CSRNP3: variants seen among roughly 807,000 people sequenced by gnomAD.
CSRNP3 encodes cysteine/serine-rich nuclear protein 3.
In CSRNP3, 12 loss-of-function variants were observed where a neutral mutation model predicts 48.0. The ratio of observed to expected loss-of-function variants is 0.25; its 90% CI spans 0.16 to 0.41. The LOEUF is 0.41. Ranked by LOEUF, CSRNP3 falls within the 10% of genes least tolerant of loss-of-function variation. The pLI is 1.00. For missense variants in CSRNP3, 580 were observed against 724.4 expected (o/e 0.80, Z 2.29); for synonymous variants, 263 against 269.7 (o/e 0.98, Z 0.24).
chr2:165,653,994 AAAAAAAAAAAAAAAT>A (rs1387615787), intron 4 of CSRNP3, among the ~76,000 whole-genome samples: 2 of 146,792 alleles, frequency 1.4e-5, no homozygotes, highest in African/African-American at 5.2e-5. Context: ...AAAAAAAAAA[AAAAAAAAAAAAAAAT>A]TACCAGAGGT....
intron 3 of CSRNP3, among the ~76,000 whole-genome samples, chr2:165,557,436 A>T (rs1156319919): frequency 6.6e-6 from 1 of 152,184 alleles, no homozygotes; most frequent in Admixed American, 6.5e-5. Context: ...GTGAAGAAAG[A>T]GGGAGAGGGA....
chr2:165,526,555 C>A (rs948804677), intron 3 of CSRNP3, among the ~76,000 whole-genome samples: 1 of 152,162 alleles, frequency 6.6e-6, no homozygotes, highest in African/African-American at 2.4e-5. Flanking sequence ...CTATAATGGT[C>A]ATTTGAAAAT....
intron 3 of CSRNP3, among the ~76,000 whole-genome samples, chr2:165,544,164 C>G (rs1035705169): frequency 6.6e-6 from 1 of 151,994 alleles, no homozygotes; most frequent in Admixed American, 6.6e-5. Flanking sequence ...TGACTGGACA[C>G]ATTAGGCTTT....
intron 3 of CSRNP3, among the ~76,000 whole-genome samples, chr2:165,576,930 T>C (rs1392919339): frequency 6.6e-6 from 1 of 152,034 alleles, no homozygotes; most frequent in Non-Finnish European, 1.5e-5. Flanking sequence ...TTTCCTGCTC[T>C]TTGATTACCA....
intron 5 of CSRNP3, among the ~76,000 whole-genome samples, chr2:165,675,712 A>G (rs1687412805): frequency 6.6e-6 from 1 of 152,204 alleles, no homozygotes; most frequent in Non-Finnish European, 1.5e-5. Context: ...TGTCTTACTA[A>G]GAGCATGCTG....
At chr2:165,629,475 T>C (rs1229529589) in intron 4 of CSRNP3, among the ~76,000 whole-genome samples, 4 of 152,202 alleles carry the variant, frequency 2.6e-5, no homozygotes, top group Non-Finnish European at 5.9e-5. Context: ...GCTCCCATGG[T>C]TTTTCTTCAA....
At chr2:165,622,420 AAAT>A (rs1686355883) in intron 4 of CSRNP3, among the ~76,000 whole-genome samples, 1 of 152,206 alleles carries the variant, frequency 6.6e-6, no homozygotes. Context: ...TGCTGCAACA[AAAT>A]AATAATAGCT....
intron 5 of CSRNP3, among the ~76,000 whole-genome samples, chr2:165,663,897 C>T (rs186811065): frequency 2.5e-4 from 38 of 152,090 alleles, no homozygotes; most frequent in Middle Eastern, 6.8e-3. Context: ...CTACTAGATC[C>T]GTCTGGCTTA....
intron 5 of CSRNP3, among the ~76,000 whole-genome samples, chr2:165,675,563 T>C (rs1387357977): frequency 6.6e-6 from 1 of 152,224 alleles, no homozygotes; most frequent in Non-Finnish European, 1.5e-5. Flanking sequence ...TAATCATGTG[T>C]ATGTGAGACC....
At chr2:165,477,851 C>T (rs1448570335) in intron 1 of CSRNP3, among the ~76,000 whole-genome samples, 1 of 152,016 alleles carries the variant, frequency 6.6e-6, no homozygotes, top group Non-Finnish European at 1.5e-5. Context: ...CTGGTGAGTG[C>T]CTTCAGTCCC....
chr2:165,556,153 T>C (rs1356662749), intron 3 of CSRNP3, among the ~76,000 whole-genome samples: 1 of 152,172 alleles, frequency 6.6e-6, no homozygotes, highest in Non-Finnish European at 1.5e-5. Context: ...GAAAAGTCAG[T>C]GATTATTAGT....
Position 165,658,017 on chromosome 2 carries a change from A to G in CSRNP3, c.405A>G (p.Leu135=). 5 of 1,607,716 alleles carry G rather than the reference A, an allele frequency of 3.1e-6. No homozygotes were observed. The South Asian group carries it at 5.5e-5, about 18-fold the overall frequency. ...AGGAAAAGCTGAACTCCTTAAAACT[A>G]AAGGTAAAAAACAAACTCATTTTCT... ...LREEKLNSLK[L]KMTKNGTVES... Residue 135 remains leucine, a synonymous_variant, in exon 5 of 7, where the codon CTA becomes CTG. Transcript: ENST00000651982.
At chr2:165,574,379 G>T in intron 3 of CSRNP3, 1 of 1,550,294 alleles carries the variant, frequency 6.5e-7, no homozygotes, top group South Asian at 1.2e-5. Flanking sequence ...CTTTATTTCT[G>T]AGAGTGAAGA....
chr2:165,485,250 C>T (rs760465392), intron 1 of CSRNP3, among the ~76,000 whole-genome samples: 1 of 152,122 alleles, frequency 6.6e-6, no homozygotes, highest in Non-Finnish European at 1.5e-5. Context: ...CAAGTATTTT[C>T]AGAGCTTCCA....
At chr2:165,541,071 CCAAA>C (rs1340838006) in intron 3 of CSRNP3, among the ~76,000 whole-genome samples, 3 of 151,876 alleles carry the variant, frequency 2.0e-5, no homozygotes, top group African/African-American at 7.3e-5. Flanking sequence ...TTATATACCA[CCAAA>C]CAATCAACCT....
At chr2:165,549,880 C>T (rs955583338) in intron 3 of CSRNP3, among the ~76,000 whole-genome samples, 1 of 152,038 alleles carries the variant, frequency 6.6e-6, no homozygotes, top group Non-Finnish European at 1.5e-5. Flanking sequence ...ATCAAAATGA[C>T]CTTGAGAATG....
At chr2:165,493,290 G>T (rs948111031) in intron 1 of CSRNP3, among the ~76,000 whole-genome samples, 1 of 151,946 alleles carries the variant, frequency 6.6e-6, no homozygotes, top group South Asian at 2.1e-4. Context: ...GTATTTGATG[G>T]CTTAAGATGT....
rs1295811190 is a variant in CSRNP3, at chr2:165,676,399, A to G, written c.496A>G (p.Thr166Ala). 3 of 1,613,928 alleles carry G rather than the reference A, an allele frequency of 1.9e-6. No homozygotes were observed. The East Asian group carries it at 6.7e-5, about 36-fold the overall frequency. Residue 166 changes from threonine to alanine, a missense_variant, in exon 6 of 7, where the codon ACA becomes GCA. Physicochemically the swap from Thr to Ala is moderately conservative, Grantham distance 58. Coordinates refer to ENST00000651982, the MANE Select transcript of CSRNP3 (RefSeq NM_001172173.2). Reference sequence around the variant, plus strand: ...TGATGATGACATTGACCTGGACAACACAGAGGTAGATGAGTACTTCTTCCT... The same window carrying G: ...TGATGATGACATTGACCTGGACAACGCAGAGGTAGATGAGTACTTCTTCCT... ...ISDDDIDLDNTEVDEYFFLQP... is the reference protein window; with the variant it reads ...ISDDDIDLDNAEVDEYFFLQP...
intron 1 of CSRNP3, among the ~76,000 whole-genome samples, chr2:165,486,723 C>T (rs1270532543): frequency 4.6e-5 from 4 of 87,016 alleles, no homozygotes; most frequent in African/African-American, 1.4e-4. Flanking sequence ...AACAGACCTG[C>T]AGCTGAGGGT....
Sources: gnomAD v4.1 joint callset for allele counts (sites outside exome capture counted in the v4.1 genomes callset) on GRCh38, gnomAD v4.1.1 for gene constraint, MANE v1.5 for transcripts, NCBI Gene and HGNC (gene_info 2026-07-23, HGNC 2026-07-21) for gene names.